The following GIMAP2 variants were observed in gnomAD, a reference collection of about 807,000 sequenced individuals.
GIMAP2 encodes the protein GTPase, IMAP family member 2, also known as GTPase IMAP family member 2.
A neutral mutation model predicts 25.5 loss-of-function variants in GIMAP2; 22 were observed. The observed-to-expected ratio is 0.86, with a 90% CI of 0.62 to 1.23. The LOEUF (loss-of-function observed/expected upper bound fraction) is 1.23. Among genes scored for constraint, GIMAP2 ranks in the 50% most tolerant of loss-of-function variants. GIMAP2 has a pLI of 0.00. For missense variants in GIMAP2, 422 were observed against 395.7 expected (o/e 1.07, Z -0.56); for synonymous variants, 167 against 143.0 (o/e 1.17, Z -1.20).
At chr7:150,688,651 C>G (rs1796929697) in intron 2 of GIMAP2, among the ~76,000 whole-genome samples, 1 of 152,210 alleles carries the variant, frequency 6.6e-6, no homozygotes, top group African/African-American at 2.4e-5. Flanking sequence ...CCTTCCAGCT[C>G]TGCCCCCTCA....
At chr7:150,690,979 C>G (rs1796960224) in intron 2 of GIMAP2, among the ~76,000 whole-genome samples, 2 of 152,242 alleles carry the variant, frequency 1.3e-5, no homozygotes, top group African/African-American at 4.8e-5. Context: ...CCAACTTTCT[C>G]TCTGCAACAT....
intron 2 of GIMAP2, among the ~76,000 whole-genome samples, chr7:150,687,953 C>T (rs1796922834): frequency 6.6e-6 from 1 of 152,148 alleles, no homozygotes; most frequent in Admixed American, 6.6e-5. Flanking sequence ...CCAGATCTTC[C>T]TCCTTACCAA....
intron 1 of GIMAP2, among the ~76,000 whole-genome samples, chr7:150,686,662 G>T (rs1377447153): frequency 6.6e-6 from 1 of 152,116 alleles, no homozygotes; most frequent in African/African-American, 2.4e-5. Context: ...TAAGGATCTT[G>T]GCCTAGTGTG....
At chr7:150,689,421 T>A in intron 2 of GIMAP2, 2 of 688,578 alleles carry the variant, frequency 2.9e-6, no homozygotes, top group Non-Finnish European at 5.3e-6. Context: ...TAGCACTCCC[T>A]AGGAGGCCAG....
chr7:150,692,787 C>T lies in GIMAP2; in HGVS notation c.501C>T (p.Ala167=). Residue 167 remains alanine (A), a synonymous_variant, in exon 3 of 3, where the codon GCC becomes GCT. Transcript: ENST00000223293. Reference sequence around the variant, plus strand: ...ACATGCACGACTCAGATAACAAAGCCCTAAGCAAGCTGGTGGCAGCATGTG... The same window carrying T: ...ACATGCACGACTCAGATAACAAAGCTCTAAGCAAGCTGGTGGCAGCATGTG... The part of the protein sequence containing the change: ...MDYMHDSDNK[A]LSKLVAACGG... 1 of 1,614,182 alleles carries T rather than the reference C, an allele frequency of 6.2e-7. No individual in the cohort carries two copies. The highest frequency in any genetic ancestry group is 1.3e-5 in the African/African-American group (1 of 75,026).
chr7:150,685,968 T>C (rs1215397808), intron 1 of GIMAP2, among the ~76,000 whole-genome samples, 183 bp downstream of exon 1: 5 of 152,196 alleles, frequency 3.3e-5, no homozygotes, highest in Non-Finnish European at 7.3e-5. Context: ...TACACATTAC[T>C]GGCAAAGAAA....
Position 150,692,315 on chromosome 7 carries a change from G to C in GIMAP2, c.29G>C (p.Gly10Ala), listed in dbSNP as rs747850493. The C allele has an allele frequency of 1.2e-6, 2 of 1,612,988 alleles. No individual in the cohort carries two copies. Among genetic ancestry groups the C allele is most frequent in the Non-Finnish European group, 1.7e-6 (2 of 1,179,030 alleles). The change falls in exon 3 of 3, where the codon GGA becomes GCA. Residue 10 changes from glycine to alanine, a missense_variant and splice_region_variant. Physicochemically the swap from Gly to Ala is moderately conservative, Grantham distance 60 (BLOSUM62 0). Coordinates refer to ENST00000223293, the MANE Select transcript of GIMAP2 (RefSeq NM_015660.3). MDQNEHSHWGPHAKGQCASR... is the reference protein window; with the variant it reads MDQNEHSHWAPHAKGQCASR... ...AACACAGTAAACTTGCTCCTCACAG[G>C]ACCACATGCAAAGGGCCAATGTGCC... is the stretch of plus-strand genomic sequence containing the variant.
intron 2 of GIMAP2, among the ~76,000 whole-genome samples, chr7:150,690,230 A>G (rs1796950573): frequency 6.6e-6 from 1 of 152,112 alleles, no homozygotes; most frequent in Non-Finnish European, 1.5e-5. Context: ...GGCTTCTATA[A>G]CTGCTCAAGA....
rs938029306 is a variant in GIMAP2 at position 150,693,493 on chromosome 7, T to C, written c.*193T>C. 8.6e-6 allele frequency: 4 copies of C among 463,004 alleles called. No homozygotes were observed. Among genetic ancestry groups the C allele is most frequent in the African/African-American group, 8.1e-5 (4 of 49,416 alleles). 28.7% of individuals were successfully genotyped at this position (463,004 alleles called of 1,614,324 possible). A position where few individuals can be genotyped will look rare whatever the true frequency, so the allele number is the denominator to read the frequency against. ...CATTGAAATATAATATCAAAGCCTT[T>C]TGAAATCTGTAAACATAAAATTCCT... On this transcript the variant is annotated 3_prime_UTR_variant, in exon 3 of 3. Transcript: ENST00000223293.
chr7:150,691,085 C>T (rs1332065237), intron 2 of GIMAP2, among the ~76,000 whole-genome samples: 2 of 152,212 alleles, frequency 1.3e-5, no homozygotes, highest in African/African-American at 2.4e-5. Flanking sequence ...CTCCTGTTAT[C>T]ATGGTATTCC....
At chr7:150,692,091 T>C (rs554069290) in intron 2 of GIMAP2, among the ~76,000 whole-genome samples, 9 of 148,256 alleles carry the variant, frequency 6.1e-5, no homozygotes, top group African/African-American at 2.0e-4. Flanking sequence ...CGGGATGCGG[T>C]GGCGGGCATC....
chr7:150,690,663 C>A (rs929323689), intron 2 of GIMAP2, among the ~76,000 whole-genome samples: 9 of 152,298 alleles, frequency 5.9e-5, no homozygotes, highest in African/African-American at 1.9e-4. Context: ...ACAATCCTAG[C>A]CTAATTTTCA....
chr7:150,686,711 A>T (rs2116499577), intron 1 of GIMAP2, among the ~76,000 whole-genome samples: 1 of 152,182 alleles, frequency 6.6e-6, no homozygotes, highest in East Asian at 1.9e-4. Flanking sequence ...TGGGAGGCCG[A>T]GGCTGGTGGA....
intron 2 of GIMAP2, among the ~76,000 whole-genome samples, chr7:150,688,856 T>A (rs1190850885): frequency 6.6e-6 from 1 of 152,204 alleles, no homozygotes; most frequent in African/African-American, 2.4e-5. Flanking sequence ...AGTTGCAGGC[T>A]TCCCGCCAGA....
At chr7:150,689,501 T>C in intron 2 of GIMAP2, 1 of 703,128 alleles carries the variant, frequency 1.4e-6, no homozygotes, top group Non-Finnish European at 2.6e-6. Context: ...GAGAGGAAGG[T>C]TAAACGTGCA....
chr7:150,687,735 G>GTC (rs1554513864), intron 2 of GIMAP2, among the ~76,000 whole-genome samples: 9 of 151,794 alleles, frequency 5.9e-5, no homozygotes, highest in Admixed American at 2.0e-4. Flanking sequence ...GTGTGTGTGT[G>GTC]TCTCTCTCTC....
In GIMAP2 at chr7:150,687,105, C is replaced by CGTGTGT. The variant is rs35656746; in HGVS notation, c.28+63_28+68dup. On this transcript the variant is annotated intron_variant, in intron 2 of 2. Coordinates refer to ENST00000223293, the MANE Select transcript of GIMAP2 (RefSeq NM_015660.3). ...TCACTGGGGTAAGAAGGTGACTTCA[C>CGTGTGT]GTGTGTGTGTGTGTGTGTGTGTGTG... 4.6e-3 allele frequency: 5,889 copies of CGTGTGT among 1,267,240 alleles called. 33 individuals carry two copies. The highest frequency in any genetic ancestry group is 8.1e-3 in the African/African-American group (472 of 58,524). The allele number at this position is 1,267,240 out of a possible 1,614,324, so 78.5% of individuals were successfully genotyped here.
chr7:150,687,141 T>A lies in GIMAP2; in HGVS notation c.28+54T>A, dbSNP rs888626255. ...GTGTGTGTGTGTGTGTGTGTGTGTGTGTGTGTGTGTGTGTTTGGCTCTTCT... is the reference window on the plus strand; with the variant it reads ...GTGTGTGTGTGTGTGTGTGTGTGTGAGTGTGTGTGTGTGTTTGGCTCTTCT... On this transcript the variant is annotated intron_variant, in intron 2 of 2. Coordinates refer to ENST00000223293, the MANE Select transcript of GIMAP2 (RefSeq NM_015660.3). 10 of 1,302,512 alleles carry A rather than the reference T, an allele frequency of 7.7e-6. No homozygotes were observed. In the Admixed American group the frequency reaches 1.6e-4, roughly 21 times the overall value. The allele number at this position is 1,302,512 out of a possible 1,614,324, so 80.7% of individuals were successfully genotyped here.
At chr7:150,687,597 C>G (rs1442380011) in intron 2 of GIMAP2, 1 of 152,440 alleles carries the variant, frequency 6.6e-6, no homozygotes, top group Non-Finnish European at 1.5e-5. Flanking sequence ...AAATACTCAC[C>G]AGGATCCAAA....
Sources: gnomAD v4.1 joint callset for allele counts (sites outside exome capture counted in the v4.1 genomes callset) on GRCh38, gnomAD v4.1.1 for gene constraint, MANE v1.5 for transcripts, NCBI Gene and HGNC (gene_info 2026-07-23, HGNC 2026-07-21) for gene names.